The following ARHGAP28 variants were observed in gnomAD, a reference collection of about 807,000 sequenced individuals.
The protein encoded by ARHGAP28 is rho GTPase-activating protein 28.
In ARHGAP28, 56 loss-of-function variants were observed where a neutral mutation model predicts 90.7. That is an observed-to-expected ratio of 0.62 (90% CI 0.50 to 0.77). The LOEUF (loss-of-function observed/expected upper bound fraction) is 0.77. Among genes scored for constraint, ARHGAP28 ranks in the 30% least tolerant of loss-of-function variants. The probability of loss-of-function intolerance (pLI) is 0.00; values close to 1 mark genes in which losing one functional copy is unlikely to be tolerated. For missense variants in ARHGAP28, 869 were observed against 900.9 expected, an observed-to-expected ratio of 0.96 and a Z score of 0.45; for synonymous variants, 308 against 323.3, an observed-to-expected ratio of 0.95 and a Z score of 0.51.
chr18:6,831,479 TTTTTTTTTC>T (rs2056715409), intron 2 of ARHGAP28, among the ~76,000 whole-genome samples: 1 of 147,426 alleles, frequency 6.8e-6, no homozygotes, highest in African/African-American at 2.5e-5. Context: ...ATGTTTTTTT[TTTTTTTTTC>T]TTTTTTTTTT....
intron 16 of ARHGAP28, among the ~76,000 whole-genome samples, chr18:6,902,611 TA>T (rs1316373005): frequency 1.3e-5 from 2 of 152,152 alleles, no homozygotes; most frequent in African/African-American, 4.8e-5. Flanking sequence ...TGATAATAAA[TA>T]GAACTATTAC....
intron 13 of ARHGAP28, 24 bp downstream of exon 13, chr18:6,890,109 T>A: frequency 6.2e-7 from 1 of 1,612,760 alleles, no homozygotes; most frequent in Admixed American, 1.7e-5. Context: ...TGATGACAGG[T>A]CCCCCTCAGA....
chr18:6,772,387 A>G (rs2056250080), intron 1 of ARHGAP28, among the ~76,000 whole-genome samples: 1 of 152,192 alleles, frequency 6.6e-6, no homozygotes, highest in South Asian at 2.1e-4. Context: ...CTATAGAAAA[A>G]CGGTACAGAC....
chr18:6,882,220 G>C lies in ARHGAP28; in HGVS notation c.1374G>C (p.Met458Ile), dbSNP rs764980900. 1 of 1,614,080 alleles carries C rather than the reference G, an allele frequency of 6.2e-7. No individual in the cohort carries two copies. Residue 458 changes from methionine to isoleucine, a missense_variant, in exon 11 of 18, where the codon ATG (methionine) becomes ATC (isoleucine). Physicochemically the swap from Met to Ile is conservative, Grantham distance 10. Coordinates refer to ENST00000383472, the MANE Select transcript of ARHGAP28 (RefSeq NM_001366230.1). ...DKMCHREAAV[M>I]LKAFFRELPT... ...TGTGCCATAGAGAAGCTGCAGTAAT[G>C]TTGAAAGCGTTTTTCAGAGAACTAC...
At chr18:6,777,847 G>T (rs759995779) in intron 1 of ARHGAP28, among the ~76,000 whole-genome samples, 42 of 152,126 alleles carry the variant, frequency 2.8e-4, no homozygotes, top group Admixed American at 6.5e-4. Flanking sequence ...GCTGCTTCAA[G>T]TAGAAAGATA....
At chr18:6,875,548 T>A (rs1199900842) in intron 9 of ARHGAP28, among the ~76,000 whole-genome samples, 1 of 152,184 alleles carries the variant, frequency 6.6e-6, no homozygotes, top group Non-Finnish European at 1.5e-5. Context: ...AATAGGGTTA[T>A]TGTGAGGATT....
At chr18:6,753,123 G>A (rs970708144) in intron 1 of ARHGAP28, among the ~76,000 whole-genome samples, 1 of 152,066 alleles carries the variant, frequency 6.6e-6, no homozygotes, top group Admixed American at 6.6e-5. Context: ...AGAGAATAAA[G>A]GGATTTGTAA....
chr18:6,815,563 A>G (rs1290903643), intron 1 of ARHGAP28, among the ~76,000 whole-genome samples: 2 of 152,194 alleles, frequency 1.3e-5, no homozygotes, highest in Non-Finnish European at 2.9e-5. Context: ...ACTGATTAAT[A>G]TTAGAACATA....
At chr18:6,899,192 C>T (rs1275349181) in intron 16 of ARHGAP28, among the ~76,000 whole-genome samples, 3 of 152,110 alleles carry the variant, frequency 2.0e-5, no homozygotes, top group African/African-American at 2.4e-5. Flanking sequence ...CTCAGACCCC[C>T]GTGTGTTTAA....
At chr18:6,852,381 C>G (rs2056917516) in intron 4 of ARHGAP28, among the ~76,000 whole-genome samples, 1 of 152,126 alleles carries the variant, frequency 6.6e-6, no homozygotes, top group Non-Finnish European at 1.5e-5. Flanking sequence ...GTAAAATAAT[C>G]CTTCTAGTTT....
intron 10 of ARHGAP28, among the ~76,000 whole-genome samples, chr18:6,881,649 C>T (rs147894747): frequency 6.6e-6 from 1 of 152,292 alleles, no homozygotes; most frequent in East Asian, 1.9e-4. Flanking sequence ...CATAGGTTTG[C>T]ATGTTGCAGC....
intron 7 of ARHGAP28, 88 bp from the exon 8 acceptor site, chr18:6,873,321 A>G: frequency 2.7e-6 from 3 of 1,112,212 alleles, no homozygotes; most frequent in Non-Finnish European, 3.9e-6. Flanking sequence ...TCTACTGCAT[A>G]GATTTAGAGT....
intron 1 of ARHGAP28, among the ~76,000 whole-genome samples, chr18:6,784,552 A>C (rs1268542433): frequency 6.6e-6 from 1 of 152,184 alleles, no homozygotes; most frequent in East Asian, 1.9e-4. Context: ...AGTGTTACTG[A>C]TTCCATTCTA....
intron 2 of ARHGAP28, among the ~76,000 whole-genome samples, chr18:6,827,076 C>G (rs757686289): frequency 9.9e-5 from 15 of 152,080 alleles, no homozygotes; most frequent in South Asian, 2.1e-4. Context: ...AAAAGTCTCC[C>G]GTGTCTACCT....
chr18:6,890,451 CAAGT>C lies in ARHGAP28; in HGVS notation c.1760_1763del (p.Val587GlufsTer3). On this transcript the variant is annotated frameshift_variant, in exon 14 of 18. Transcript: ENST00000383472. LOFTEE classifies it high-confidence loss of function. ...CCAGGTTCCATCTTTCTTAATCACT[CAAGT>C]AAGAAGAATGAATGAAGCCACGATG... 1.2e-6 allele frequency: 2 copies of C among 1,611,016 alleles called. No individual in the cohort carries two copies. Among genetic ancestry groups the C allele is most frequent in the Non-Finnish European group, 8.5e-7 (1 of 1,177,958 alleles).
Position 6,890,534 on chromosome 18 carries a change from C to T in ARHGAP28, c.1839C>T (p.Leu613=), listed in dbSNP as rs778345367. 6.2e-5 allele frequency: 99 copies of T among 1,607,270 alleles called. No homozygotes were observed. Among genetic ancestry groups the T allele is most frequent in the Non-Finnish European group, 6.8e-5 (80 of 1,176,822 alleles). The change falls in exon 14 of 18, where the codon CTC becomes CTT. Residue 613 remains leucine, a synonymous_variant. Coordinates refer to ENST00000383472, the MANE Select transcript of ARHGAP28 (RefSeq NM_001366230.1). ...GGAAGCTGCTCAGGAGGAAGACCCT[C>T]GAGCGGGAGGTAAGACAGCAAATGA... is the stretch of plus-strand genomic sequence containing the variant. ...SVRKLLRRKT[L]ERETASPKTS... is the part of the protein sequence containing the mutation.
intron 1 of ARHGAP28, among the ~76,000 whole-genome samples, chr18:6,731,573 C>T (rs148526851): frequency 6.6e-6 from 1 of 152,292 alleles, no homozygotes; most frequent in African/African-American, 2.4e-5. Flanking sequence ...CAATTAGATT[C>T]ACGTTGTTCC....
At chr18:6,776,136 A>G (rs1567943501) in intron 1 of ARHGAP28, among the ~76,000 whole-genome samples, 1 of 152,142 alleles carries the variant, frequency 6.6e-6, no homozygotes, top group Non-Finnish European at 1.5e-5. Flanking sequence ...AAATAACAAT[A>G]TAGCCCCTGA....
In ARHGAP28 at chr18:6,862,013, C is replaced by T. The variant is rs952044666; in HGVS notation, c.726+2116C>T. On this transcript the variant is annotated intron_variant, in intron 5 of 17. Coordinates refer to ENST00000383472, the MANE Select transcript of ARHGAP28 (RefSeq NM_001366230.1). Reference sequence around the variant, plus strand: ...GTAATGACATAAATAAAAGTTTCAGCAGTATTGGGTCTAAAAAATATCTCA... The same window carrying T: ...GTAATGACATAAATAAAAGTTTCAGTAGTATTGGGTCTAAAAAATATCTCA... Among the ~76,000 whole-genome samples the T allele has an allele frequency of 3.9e-5, 6 of 152,088 alleles. No individual in the cohort carries two copies. The East Asian group carries it at 9.6e-4, about 24-fold the overall frequency.
Sources: allele counts gnomAD v4.1 joint callset (sites outside exome capture counted in the v4.1 genomes callset), GRCh38; gene constraint gnomAD v4.1.1; transcripts MANE v1.5; gene names NCBI Gene and HGNC (gene_info 2026-07-23, HGNC 2026-07-21).